TENT4B: variants seen among roughly 807,000 people sequenced by gnomAD.
TENT4B encodes terminal nucleotidyltransferase 4B.
In TENT4B, 10 loss-of-function variants were observed where a neutral mutation model predicts 75.0. That is an observed-to-expected ratio of 0.13 (90% CI 0.08 to 0.23). The LOEUF is 0.23. Ranked by LOEUF, TENT4B falls within the 10% of genes least tolerant of loss-of-function variation. TENT4B has a pLI of 1.00. For missense variants in TENT4B, 579 were observed against 893.8 expected (o/e 0.65, Z 4.49); for synonymous variants, 350 against 357.7 (o/e 0.98, Z 0.24).
At chr16:50,156,227 A>T (rs530506236) in intron 1 of TENT4B, among the ~76,000 whole-genome samples, 20 of 152,060 alleles carry the variant, frequency 1.3e-4, no homozygotes, top group African/African-American at 4.1e-4. Flanking sequence ...TTTTTTTTTT[A>T]AATTAAAAAA....
At chr16:50,185,425 A>G (rs927512435) in intron 1 of TENT4B, among the ~76,000 whole-genome samples, 3 of 152,164 alleles carry the variant, frequency 2.0e-5, no homozygotes, top group African/African-American at 4.8e-5. Flanking sequence ...TTGACTGTTC[A>G]TGGCATCTTA....
rs768302382 is a variant in TENT4B, at chr16:50,200,797, A to AT, written c.639-10514dup. On this transcript the variant is annotated intron_variant, in intron 1 of 11. Coordinates refer to ENST00000561678, the MANE Select transcript of TENT4B (RefSeq NM_001365324.3). ...CTTTTGCTTTATTTTTGTGTTTTTT[A>AT]TTTTTTTTTTTTATTGAGACAAGTT... 9.1e-3 allele frequency among the ~76,000 whole-genome samples: 1,300 copies of AT among 142,590 alleles called. 9 individuals are homozygous for AT. The highest frequency in any genetic ancestry group is 0.014 in the Non-Finnish European group (910 of 64,664). 93.5% of individuals were successfully genotyped at this position (142,590 alleles called of 152,430 possible).
chr16:50,212,123 C>T (rs575617178), intron 2 of TENT4B, among the ~76,000 whole-genome samples: 3 of 152,046 alleles, frequency 2.0e-5, no homozygotes, highest in Non-Finnish European at 4.4e-5. Flanking sequence ...TGCAATAGTG[C>T]GATCACGACT....
At position 50,233,886 on chromosome 16, in the gene TENT4B, G is replaced by C; in HGVS notation, c.*4558G>C. On this transcript the variant is annotated 3_prime_UTR_variant, in exon 12 of 12. Coordinates refer to ENST00000561678, the MANE Select transcript of TENT4B (RefSeq NM_001365324.3). The stretch of plus-strand genomic sequence containing the variant: ...AGAGATATTTTAGCTATGTCAATAA[G>C]AACAGCTAATGATGTGGAAATCAGG... The C allele has an allele frequency of 1.0e-6, 1 of 985,426 alleles. No homozygotes were observed. Among genetic ancestry groups the C allele is most frequent in the African/African-American group, 1.7e-5 (1 of 57,360 alleles). 61.0% of individuals were successfully genotyped at this position (985,426 alleles called of 1,614,324 possible).
intron 3 of TENT4B, 88 bp from the exon 4 acceptor site, chr16:50,215,987 T>C: frequency 6.7e-7 from 1 of 1,500,098 alleles, no homozygotes; most frequent in East Asian, 2.3e-5. Flanking sequence ...AGGTTTTAAT[T>C]GTACTAATGA....
In TENT4B at chr16:50,168,083, G is replaced by A. The variant is rs572673466; in HGVS notation, c.638+13824G>A. Among the ~76,000 whole-genome samples the A allele has an allele frequency of 1.9e-3, 288 of 149,266 alleles. 2 individuals are homozygous for A. Among genetic ancestry groups the A allele is most frequent in the African/African-American group, 6.0e-3 (245 of 40,670 alleles). ...TCTTGTTTCCTCATTGAGCAATGTC[G>A]TGAGACCCTATCTCCATAAAAAATA... On this transcript the variant is annotated intron_variant, in intron 1 of 11. Transcript: ENST00000561678.
chr16:50,203,930 G>C (rs1567502417), intron 1 of TENT4B, among the ~76,000 whole-genome samples: 1 of 152,202 alleles, frequency 6.6e-6, no homozygotes, highest in Non-Finnish European at 1.5e-5. Context: ...TGCTCCAGGA[G>C]CCCCCAGGAG....
chr16:50,168,651 A>G (rs951195444), intron 1 of TENT4B, among the ~76,000 whole-genome samples: 1 of 145,494 alleles, frequency 6.9e-6, no homozygotes, highest in African/African-American at 2.6e-5. Flanking sequence ...ATATCACATA[A>G]TTTCTTTTTT....
At chr16:50,185,330 T>C (rs2038505394) in intron 1 of TENT4B, among the ~76,000 whole-genome samples, 1 of 152,194 alleles carries the variant, frequency 6.6e-6, no homozygotes, top group Non-Finnish European at 1.5e-5. Flanking sequence ...CTTGCAGTTT[T>C]GGAGGCAAGT....
chr16:50,198,836 G>A (rs920998305), intron 1 of TENT4B, among the ~76,000 whole-genome samples: 3 of 152,182 alleles, frequency 2.0e-5, no homozygotes, highest in Non-Finnish European at 2.9e-5. Flanking sequence ...GACAGAAATA[G>A]CCATAGATCT....
chr16:50,223,106 T>G (rs1425938480), intron 6 of TENT4B, 68 bp from the exon 7 acceptor site: 1 of 1,265,380 alleles, frequency 7.9e-7, no homozygotes, highest in South Asian at 1.4e-5. Flanking sequence ...AGTTAGAATA[T>G]AATTTATTCC....
intron 1 of TENT4B, among the ~76,000 whole-genome samples, chr16:50,192,371 G>A (rs1388473613): frequency 1.3e-5 from 2 of 152,102 alleles, no homozygotes; most frequent in African/African-American, 4.8e-5. Flanking sequence ...GGAGACAGTT[G>A]TTACCATAGT....
chr16:50,194,417 G>A (rs1567496541), intron 1 of TENT4B, among the ~76,000 whole-genome samples: 1 of 151,838 alleles, frequency 6.6e-6, no homozygotes, highest in Non-Finnish European at 1.5e-5. Flanking sequence ...GTTTCATCAC[G>A]TTGGCCAGGC....
chr16:50,167,060 A>G (rs553629940), intron 1 of TENT4B, among the ~76,000 whole-genome samples: 10 of 152,298 alleles, frequency 6.6e-5, no homozygotes, highest in African/African-American at 2.4e-4. Context: ...AGTAGCTAGG[A>G]CTGCAGGCAT....
intron 1 of TENT4B, among the ~76,000 whole-genome samples, chr16:50,178,821 G>C (rs1057238603): frequency 8.5e-5 from 13 of 152,048 alleles, no homozygotes; most frequent in African/African-American, 3.1e-4. Context: ...GAGGGAATGA[G>C]GAATTCATGT....
Position 50,154,000 on chromosome 16 carries a change from T to G in TENT4B, c.379T>G (p.Ser127Ala), listed in dbSNP as rs1270696531. Residue 127 changes from serine (S) to alanine (A), a missense_variant, in exon 1 of 12, where the codon TCC (serine) becomes GCC (alanine). Physicochemically the swap from Ser to Ala is moderately conservative, Grantham distance 99 (BLOSUM62 1). This residue lies in a region of TENT4B where 253 missense variants were observed against 270.1 expected (regional missense o/e 0.94). Transcript: ENST00000561678. ...QPGAWARRAG[S>A]SASSPPSASS... ...CGGGGCCTGGGCCCGCCGGGCGGGC[T>G]CCTCGGCGTCCTCGCCTCCCTCGGC... The G allele has an allele frequency of 3.9e-6, 6 of 1,533,756 alleles. No homozygotes were observed. Among genetic ancestry groups the G allele is most frequent in the Non-Finnish European group, 5.2e-6 (6 of 1,146,088 alleles).
At position 50,211,309 on chromosome 16, in the gene TENT4B, G is replaced by GT. The variant is rs748895673; in HGVS notation, c.639-7dup. 2.9e-5 allele frequency: 47 copies of GT among 1,600,870 alleles called. No homozygotes were observed. Among genetic ancestry groups the GT allele is most frequent in the Non-Finnish European group, 3.7e-5 (44 of 1,175,614 alleles). On this transcript the variant is annotated splice_polypyrimidine_tract_variant and intron_variant, in intron 1 of 11. Transcript: ENST00000561678. ...TGGCCCTGTTCATATTAACTTTTCT[G>GT]TTTTTTTCTTCAGTCTGCATGAAGA...
rs143782753 is a variant in TENT4B, at chr16:50,216,056, A to G, written c.810-19A>G. ...TTCCAACTTCTTCCGACCCTCTTGT[A>G]TATGTATTCTGTGTTCAGTGACATC... On this transcript the variant is annotated intron_variant, in intron 3 of 11. Coordinates refer to ENST00000561678, the MANE Select transcript of TENT4B (RefSeq NM_001365324.3). 1,328 of 1,613,706 alleles carry G rather than the reference A, an allele frequency of 8.2e-4. 10 individuals are homozygous for G. In the African/African-American group the frequency reaches 0.016, roughly 19 times the overall value.
chr16:50,194,744 ATTTTT>A (rs34176224), intron 1 of TENT4B, among the ~76,000 whole-genome samples: 1 of 69,412 alleles, frequency 1.4e-5, no homozygotes, highest in Non-Finnish European at 2.7e-5. Flanking sequence ...TGCTTGGCTA[ATTTTT>A]TTTTTTTTTT....
Sources: allele counts gnomAD v4.1 joint callset (sites outside exome capture counted in the v4.1 genomes callset), GRCh38; gene constraint gnomAD v4.1.1; regional missense constraint gnomAD v4.1.1; transcripts MANE v1.5; gene names NCBI Gene and HGNC (gene_info 2026-07-23, HGNC 2026-07-21).